ITGAM: variants seen among roughly 807,000 people sequenced by gnomAD.
ITGAM encodes integrin subunit alpha M.
A neutral mutation model predicts 137.5 loss-of-function variants in ITGAM; 79 were observed. The observed-to-expected ratio is 0.57, with a 90% CI of 0.48 to 0.69. ITGAM has a LOEUF of 0.69. Ranked by LOEUF, ITGAM falls within the 30% of genes least tolerant of loss-of-function variation. ITGAM has a pLI of 0.00. For missense variants in ITGAM, 1,343 were observed against 1,483.5 expected, an observed-to-expected ratio of 0.91 and a Z score of 1.56; for synonymous variants, 583 against 592.3, an observed-to-expected ratio of 0.98 and a Z score of 0.23.
chr16:31,265,425 G>T lies in ITGAM; in HGVS notation c.165G>T (p.Val55=). ...RVVVGAPQEI[V]AANQRGSLYQ... ...TGGTTGGAGCCCCCCAGGAGATAGT[G>T]GCTGCCAACCAAAGGGGCAGCCTCT... Residue 55 remains valine (V), a synonymous_variant, in exon 3 of 30, where the codon GTG becomes GTT. Coordinates refer to ENST00000544665, the MANE Select transcript of ITGAM (RefSeq NM_000632.4). 1 of 1,606,482 alleles carries T rather than the reference G, an allele frequency of 6.2e-7. No homozygotes were observed. The highest frequency in any genetic ancestry group is 8.5e-7 in the Non-Finnish European group (1 of 1,177,004).
chr16:31,286,581 AT>A (rs567103591), intron 12 of ITGAM, among the ~76,000 whole-genome samples: 3 of 152,064 alleles, frequency 2.0e-5, no homozygotes, highest in Non-Finnish European at 4.4e-5. Flanking sequence ...TATGATTTGC[AT>A]TTCTCTGGTG....
intron 5 of ITGAM, among the ~76,000 whole-genome samples, chr16:31,270,742 T>TATATATATATATATATATATATA (rs1343169219): frequency 9.1e-6 from 1 of 109,892 alleles, no homozygotes. Context: ...TATATATATA[T>TATATATATATATATATATATATA]ATGTTTTTAA....
At chr16:31,288,305 C>T (rs80178085) in intron 12 of ITGAM, among the ~76,000 whole-genome samples, 9,597 of 152,062 alleles carry the variant, frequency 0.063, 1,056 homozygotes, top group African/African-American at 0.22. Flanking sequence ...ACAAGCTGAT[C>T]CTGAAGTCCA....
chr16:31,297,576 C>A lies in ITGAM; in HGVS notation c.1419C>A (p.Asp473Glu). 6.2e-7 allele frequency: 1 copy of A among 1,612,464 alleles called. No individual in the cohort carries two copies. The highest frequency in any genetic ancestry group is 8.5e-7 in the Non-Finnish European group (1 of 1,179,876). Reference sequence around the variant, plus strand: ...ACGTGGACAGCAACGGCAGCACCGACCTGGTCCTCATCGGGGCCCCCCATT... The same window carrying A: ...ACGTGGACAGCAACGGCAGCACCGAACTGGTCCTCATCGGGGCCCCCCATT... ...SVDVDSNGST[D>E]LVLIGAPHYY... Residue 473 changes from aspartate (D) to glutamate (E), a missense_variant, in exon 13 of 30, where the codon GAC becomes GAA. Asp to Glu is a conservative substitution (Grantham distance 45). Transcript: ENST00000544665.
At chr16:31,328,002 G>T in intron 22 of ITGAM, 145 bp from the exon 23 acceptor site, 1 of 669,156 alleles carries the variant, frequency 1.5e-6, no homozygotes. Flanking sequence ...GCTAGGCGGG[G>T]GCAGGGGTTG....
At chr16:31,296,398 C>T (rs2080134444) in intron 12 of ITGAM, among the ~76,000 whole-genome samples, 1 of 152,052 alleles carries the variant, frequency 6.6e-6, no homozygotes, top group African/African-American at 2.4e-5. Flanking sequence ...CAGGCATGAG[C>T]CACTGCATCT....
chr16:31,278,109 G>T lies in ITGAM; in HGVS notation c.1356G>T (p.Gln452His). 6.2e-7 allele frequency: 1 copy of T among 1,605,610 alleles called. No individual in the cohort carries two copies. Among genetic ancestry groups the T allele is most frequent in the South Asian group, 1.1e-5 (1 of 89,324 alleles). The stretch of plus-strand genomic sequence containing the variant: ...CCAACGCTAATGTCAAGGGCACCCA[G>T]GTGAGTGCGGTTTGTGGAGCATGAA... ...WESNANVKGT[Q>H]IGAYFGASLC... The change falls in exon 12 of 30, where the codon CAG becomes CAT. Residue 452 changes from glutamine (Q) to histidine (H), a missense_variant and splice_region_variant. By Grantham distance (24) the Gln-to-His change is conservative (BLOSUM62 0). Coordinates refer to ENST00000544665, the MANE Select transcript of ITGAM (RefSeq NM_000632.4).
chr16:31,315,035 A>T (rs11864813), intron 14 of ITGAM, among the ~76,000 whole-genome samples: 26,523 of 150,702 alleles, frequency 0.18, 2,905 homozygotes, highest in African/African-American at 0.3. Flanking sequence ...CTGGTCTCAA[A>T]CTCCTGATCT....
chr16:31,279,011 G>A (rs1317429223), intron 12 of ITGAM, among the ~76,000 whole-genome samples: 1 of 152,136 alleles, frequency 6.6e-6, no homozygotes, highest in African/African-American at 2.4e-5. Flanking sequence ...GCTTGCAACA[G>A]TTTGCTCAGA....
intron 12 of ITGAM, among the ~76,000 whole-genome samples, chr16:31,295,449 G>A (rs1041167255): frequency 2.6e-5 from 4 of 151,358 alleles, no homozygotes; most frequent in Non-Finnish European, 5.9e-5. Flanking sequence ...TTTTTTTGAT[G>A]CTATTGTAAA....
Position 31,275,565 on chromosome 16 carries a change from G to A in ITGAM, c.875G>A (p.Arg292His), listed in dbSNP as rs61755176. 8.0e-4 allele frequency: 1,284 copies of A among 1,613,792 alleles called. 1 individual carries two copies. Among genetic ancestry groups the A allele is most frequent in the Non-Finnish European group, 9.8e-4 (1,152 of 1,179,834 alleles). Residue 292 changes from arginine to histidine, a missense_variant, in exon 9 of 30, where the codon CGC becomes CAC. Physicochemically the swap from Arg to His is conservative, Grantham distance 29. Coordinates refer to ENST00000544665, the MANE Select transcript of ITGAM (RefSeq NM_000632.4). The stretch of plus-strand genomic sequence containing the variant: ...TGGTAACAGGTGGGAGATGCCTTCC[G>A]CAGTGAGAAATCCCGCCAAGAGCTT... ...RYVIGVGDAFRSEKSRQELNT... is the reference protein window; with the variant it reads ...RYVIGVGDAFHSEKSRQELNT...
intron 5 of ITGAM, among the ~76,000 whole-genome samples, chr16:31,270,457 T>G (rs1438617974): frequency 6.6e-6 from 1 of 151,556 alleles, no homozygotes; most frequent in Non-Finnish European, 1.5e-5. Context: ...CATTCCCTGA[T>G]TCCCTTGGGC....
At chr16:31,320,892 G>T (rs1056400182) in intron 14 of ITGAM, among the ~76,000 whole-genome samples, 4 of 152,128 alleles carry the variant, frequency 2.6e-5, no homozygotes, top group Non-Finnish European at 4.4e-5. Context: ...TAGAAATTGG[G>T]GTTGGGCGTG....
chr16:31,328,802 G>A (rs1470313282), intron 23 of ITGAM, among the ~76,000 whole-genome samples: 1 of 146,948 alleles, frequency 6.8e-6, no homozygotes, highest in African/African-American at 2.5e-5. Context: ...ATGTGTGTGT[G>A]TGAAGGTCTA....
intron 12 of ITGAM, among the ~76,000 whole-genome samples, chr16:31,280,554 A>G (rs1309691850): frequency 6.6e-6 from 1 of 152,210 alleles, no homozygotes; most frequent in Non-Finnish European, 1.5e-5. Context: ...TTATTGGTGT[A>G]TAGGAATGCT....
chr16:31,295,674 ATT>A (rs1374863225), intron 12 of ITGAM, among the ~76,000 whole-genome samples: 3 of 151,134 alleles, frequency 2.0e-5, no homozygotes, highest in Non-Finnish European at 4.4e-5. Context: ...ACAGAGACAA[ATT>A]TCCTTTTTTA....
intron 12 of ITGAM, among the ~76,000 whole-genome samples, chr16:31,286,719 G>A (rs909505704): frequency 6.6e-6 from 1 of 152,076 alleles, no homozygotes; most frequent in African/African-American, 2.4e-5. Flanking sequence ...TTGTTGATTT[G>A]TTGAAGTTCC....
At chr16:31,275,853 G>A (rs2079901132) in intron 9 of ITGAM, among the ~76,000 whole-genome samples, 154 bp downstream of exon 9, 1 of 152,096 alleles carries the variant, frequency 6.6e-6, no homozygotes, top group Admixed American at 6.6e-5. Flanking sequence ...GCCTCACTTG[G>A]TCAATTCCTT....
intron 14 of ITGAM, among the ~76,000 whole-genome samples, chr16:31,302,626 C>T (rs895070527): frequency 4.0e-5 from 6 of 151,598 alleles, no homozygotes; most frequent in Non-Finnish European, 8.8e-5. Flanking sequence ...CCTCCGCATC[C>T]CAGGTTCAAG....
Sources: allele counts gnomAD v4.1 joint callset (sites outside exome capture counted in the v4.1 genomes callset), GRCh38; gene constraint gnomAD v4.1.1; transcripts MANE v1.5; gene names NCBI Gene and HGNC (gene_info 2026-07-23, HGNC 2026-07-21).